The following SORCS3 variants were observed in gnomAD, a reference collection of about 807,000 sequenced individuals.
SORCS3 encodes the protein sortilin related VPS10 domain containing receptor 3, also known as VPS10 domain-containing receptor SorCS3.
A neutral mutation model predicts 146.3 loss-of-function variants in SORCS3; 57 were observed. That is an observed-to-expected ratio of 0.39 (90% confidence interval 0.31 to 0.49). The LOEUF (loss-of-function observed/expected upper bound fraction) is 0.49, where lower values mean the gene tolerates loss of function less well. Ranked by LOEUF, SORCS3 falls within the 20% of genes least tolerant of loss-of-function variation. The probability of loss-of-function intolerance (pLI) is 0.92; values close to 1 mark genes in which losing one functional copy is unlikely to be tolerated. For synonymous variants in SORCS3, 653 were observed against 618.5 expected (o/e 1.06, Z -0.83); for missense variants, 1,341 against 1,575.5 (o/e 0.85, Z 2.52).
At chr10:104,644,675 G>A (rs967083346) in intron 1 of SORCS3, among the ~76,000 whole-genome samples, 11 of 152,302 alleles carry the variant, frequency 7.2e-5, no homozygotes, top group African/African-American at 2.4e-4. Context: ...CTCTTATGAC[G>A]TGGAAAGAGA....
intron 1 of SORCS3, among the ~76,000 whole-genome samples, chr10:104,778,147 G>T (rs74155033): frequency 0.02 from 3,065 of 152,270 alleles, 106 homozygotes; most frequent in African/African-American, 0.07. Context: ...AAGGACAAAT[G>T]TCTTAGACGA....
chr10:104,724,707 T>G (rs1389285900), intron 1 of SORCS3, among the ~76,000 whole-genome samples: 1 of 152,214 alleles, frequency 6.6e-6, no homozygotes, highest in Non-Finnish European at 1.5e-5. Context: ...ACTTCTCTTC[T>G]TGCTTCATTT....
intron 6 of SORCS3, among the ~76,000 whole-genome samples, chr10:105,102,780 CTTTTTT>C (rs1183026265): frequency 4.3e-5 from 4 of 92,524 alleles, no homozygotes; most frequent in African/African-American, 8.9e-5. Context: ...ACCTCTCAAC[CTTTTTT>C]TTTTTTTTTT....
chr10:104,648,149 G>A (rs10786812), intron 1 of SORCS3, among the ~76,000 whole-genome samples: 50,790 of 152,110 alleles, frequency 0.33, 8,636 homozygotes, highest in South Asian at 0.38. Context: ...CTATGAGCTC[G>A]CAGAAGAGAG....
chr10:105,048,610 C>A (rs1301719639), intron 5 of SORCS3, among the ~76,000 whole-genome samples: 1 of 151,030 alleles, frequency 6.6e-6, no homozygotes, highest in Non-Finnish European at 1.5e-5. Flanking sequence ...GGGTGCAGCA[C>A]ACCAACATGG....
At chr10:104,977,567 C>T in intron 4 of SORCS3, 74 bp downstream of exon 4, 1 of 1,388,752 alleles carries the variant, frequency 7.2e-7, no homozygotes, top group South Asian at 1.4e-5. Context: ...CTTGCTTAAT[C>T]CACATTTTGG....
chr10:105,052,916 T>C (rs1424181865), intron 5 of SORCS3, among the ~76,000 whole-genome samples: 2 of 152,146 alleles, frequency 1.3e-5, no homozygotes, highest in Non-Finnish European at 2.9e-5. Flanking sequence ...GGCTGTGCAT[T>C]AGTCAGTGCT....
At chr10:104,647,100 A>G (rs979364052) in intron 1 of SORCS3, among the ~76,000 whole-genome samples, 4 of 152,218 alleles carry the variant, frequency 2.6e-5, no homozygotes, top group Admixed American at 6.5e-5. Flanking sequence ...TACCATAGCC[A>G]GGAGTGTTTC....
intron 1 of SORCS3, among the ~76,000 whole-genome samples, chr10:104,765,750 T>G (rs2017172132): frequency 6.6e-6 from 1 of 152,232 alleles, no homozygotes; most frequent in Non-Finnish European, 1.5e-5. Context: ...CAAAGTGCAT[T>G]GTACATATTA....
At chr10:105,144,740 G>A (rs2056118697) in intron 8 of SORCS3, among the ~76,000 whole-genome samples, 1 of 152,074 alleles carries the variant, frequency 6.6e-6, no homozygotes, top group Admixed American at 6.6e-5. Context: ...TTCCCTGCAT[G>A]TTCTCAGGAC....
intron 1 of SORCS3, among the ~76,000 whole-genome samples, chr10:104,731,395 A>C (rs1048403143): frequency 1.3e-5 from 2 of 152,208 alleles, no homozygotes; most frequent in Non-Finnish European, 2.9e-5. Flanking sequence ...TTACTGAGTC[A>C]TGTTCCTTCT....
At chr10:105,262,539 C>T in intron 26 of SORCS3, 48 bp downstream of exon 26, 1 of 1,565,306 alleles carries the variant, frequency 6.4e-7, no homozygotes, top group South Asian at 1.2e-5. Context: ...GTCCTCTAAA[C>T]ACTGGCCTGC....
rs373704030 is a variant in SORCS3, at chr10:104,851,445, C to T, written c.695+8586C>T. 9.3e-4 allele frequency among the ~76,000 whole-genome samples: 141 copies of T among 152,322 alleles called. 4 individuals carry two copies. The highest frequency in any genetic ancestry group is 8.9e-3 in the South Asian group (43 of 4,822). ...AAAAGGTGTGAAATTCTGCCCATCC[C>T]TGTCCACAGCCTGAGCTCTCTCTCA... On this transcript the variant is annotated intron_variant, in intron 2 of 26. Coordinates refer to ENST00000369701, the MANE Select transcript of SORCS3 (RefSeq NM_014978.3).
At chr10:105,095,740 C>T (rs1016522933) in intron 6 of SORCS3, among the ~76,000 whole-genome samples, 1 of 139,820 alleles carries the variant, frequency 7.2e-6, no homozygotes, top group African/African-American at 2.6e-5. Context: ...GACAGGCAGA[C>T]GTGGAGAGTA....
At position 104,641,809 on chromosome 10, in the gene SORCS3, C is replaced by T. The variant is rs1305281808; in HGVS notation, c.482C>T (p.Ala161Val). Residue 161 changes from alanine (A) to valine (V), a missense_variant, in exon 1 of 27, where the codon GCT becomes GTT. By Grantham distance (64) the Ala-to-Val change is moderately conservative. Coordinates refer to ENST00000369701, the MANE Select transcript of SORCS3 (RefSeq NM_014978.3). The surrounding 1 kb of genome is among the most constrained non-coding windows in gnomAD (Gnocchi z 6.4). ...ADGSRGSRPL[A>V]KGSREEVKAP... ...GGTTCCAGAGGAAGCCGTCCCCTTG[C>T]TAAGGGTTCCCGGGAGGAGGTGAAG... is the stretch of plus-strand genomic sequence containing the variant. 6.4e-7 allele frequency: 1 copy of T among 1,553,174 alleles called. No homozygotes were observed. The highest frequency in any genetic ancestry group is 1.4e-5 in the African/African-American group (1 of 73,252).
intron 2 of SORCS3, among the ~76,000 whole-genome samples, chr10:104,891,207 T>A (rs2133583081): frequency 6.6e-6 from 1 of 152,338 alleles, no homozygotes; most frequent in South Asian, 2.1e-4. Flanking sequence ...CCACTCTGGC[T>A]TATGGTAACA....
intron 7 of SORCS3, among the ~76,000 whole-genome samples, chr10:105,105,982 A>G (rs764308068): frequency 3.3e-5 from 5 of 152,098 alleles, no homozygotes; most frequent in Non-Finnish European, 7.4e-5. Context: ...CCATGTCCCA[A>G]AGCGTTTACT....
chr10:105,135,232 CAGAT>C (rs999709171), intron 7 of SORCS3, among the ~76,000 whole-genome samples: 1 of 152,100 alleles, frequency 6.6e-6, no homozygotes, highest in Non-Finnish European at 1.5e-5. Context: ...GTAGCTGTGA[CAGAT>C]TAGAGTCCAT....
At chr10:105,155,151 C>G (rs144349318) in intron 9 of SORCS3, among the ~76,000 whole-genome samples, 137 of 152,284 alleles carry the variant, frequency 9.0e-4, no homozygotes, top group African/African-American at 3.1e-3. Context: ...ACAGAAAATG[C>G]CCGTCCAAAT....
Sources: allele counts gnomAD v4.1 joint callset (sites outside exome capture counted in the v4.1 genomes callset), GRCh38; gene constraint gnomAD v4.1.1; non-coding constraint Gnocchi (gnomAD v3.1); transcripts MANE v1.5; gene names NCBI Gene and HGNC (gene_info 2026-07-23, HGNC 2026-07-21).